NUDT3: variants seen among roughly 807,000 people sequenced by gnomAD.
NUDT3 encodes the protein diphosphoinositol polyphosphate phosphohydrolase 1.
NUDT3 carries 9 observed loss-of-function variants against 23.6 expected under a neutral mutation model. The observed-to-expected ratio is 0.38, with a 90% CI of 0.23 to 0.66. The LOEUF is 0.66. Ranked by LOEUF, NUDT3 falls within the 30% of genes least tolerant of loss-of-function variation. NUDT3 has a pLI of 0.52. For missense variants in NUDT3, 172 were observed against 218.5 expected (o/e 0.79, Z 1.34); for synonymous variants, 86 against 82.6 (o/e 1.04, Z -0.22).
At chr6:34,321,097 T>C (rs144771507) in intron 2 of NUDT3, among the ~76,000 whole-genome samples, 1 of 152,188 alleles carries the variant, frequency 6.6e-6, no homozygotes, top group African/African-American at 2.4e-5. Context: ...TTAGAATGAC[T>C]GGCACATAGG....
chr6:34,351,982 C>G (rs1764486319), intron 1 of NUDT3, among the ~76,000 whole-genome samples: 2 of 151,560 alleles, frequency 1.3e-5, no homozygotes, highest in Admixed American at 6.6e-5. Context: ...ACTGTGGGAG[C>G]CCAGGAGTTC....
intron 1 of NUDT3, among the ~76,000 whole-genome samples, chr6:34,381,063 C>T (rs1377678747): frequency 6.6e-6 from 1 of 152,158 alleles, no homozygotes; most frequent in East Asian, 1.9e-4. Context: ...GTCACCCAGG[C>T]TGAAGTGCAG....
At chr6:34,326,270 C>T (rs954182752) in intron 2 of NUDT3, among the ~76,000 whole-genome samples, 3 of 152,210 alleles carry the variant, frequency 2.0e-5, no homozygotes, top group Non-Finnish European at 4.4e-5. Context: ...CATCTAGCTA[C>T]ACTTTCTAAT....
chr6:34,359,328 G>A (rs921720846), intron 1 of NUDT3, among the ~76,000 whole-genome samples: 8 of 152,150 alleles, frequency 5.3e-5, no homozygotes, highest in Non-Finnish European at 1.2e-4. Context: ...AGCCGAGATC[G>A]TGCTACTGCA....
At chr6:34,361,918 G>T (rs1452251449) in intron 1 of NUDT3, among the ~76,000 whole-genome samples, 1 of 152,184 alleles carries the variant, frequency 6.6e-6, no homozygotes, top group Non-Finnish European at 1.5e-5. Context: ...AAACTACTCT[G>T]TCTGGTGCAT....
intron 1 of NUDT3, among the ~76,000 whole-genome samples, chr6:34,343,251 T>G (rs914450210): frequency 6.6e-6 from 1 of 151,978 alleles, no homozygotes; most frequent in Non-Finnish European, 1.5e-5. Context: ...ATATACTCAG[T>G]TAAAAGATAC....
chr6:34,307,018 AGAG>A (rs1763691484), intron 2 of NUDT3, among the ~76,000 whole-genome samples: 1 of 152,230 alleles, frequency 6.6e-6, no homozygotes, highest in Non-Finnish European at 1.5e-5. Flanking sequence ...CAATTTGTGA[AGAG>A]GAGTCTATTA....
chr6:34,305,285 G>C (rs2113704945), intron 2 of NUDT3, among the ~76,000 whole-genome samples: 1 of 152,122 alleles, frequency 6.6e-6, no homozygotes, highest in East Asian at 1.9e-4. Flanking sequence ...CGCCCAGCCT[G>C]AATTATTTTA....
At chr6:34,364,464 G>A (rs1375715466) in intron 1 of NUDT3, among the ~76,000 whole-genome samples, 1 of 152,042 alleles carries the variant, frequency 6.6e-6, no homozygotes, top group Non-Finnish European at 1.5e-5. Context: ...AAGTGCTACT[G>A]ACAGTTTCTA....
intron 1 of NUDT3, among the ~76,000 whole-genome samples, chr6:34,355,300 T>A (rs1340610327): frequency 6.6e-6 from 1 of 152,198 alleles, no homozygotes; most frequent in Non-Finnish European, 1.5e-5. Context: ...TGGTTCTTTT[T>A]TTTAGTCTGT....
chr6:34,349,857 G>A (rs1423144073), intron 1 of NUDT3, among the ~76,000 whole-genome samples: 1 of 150,620 alleles, frequency 6.6e-6, no homozygotes, highest in Non-Finnish European at 1.5e-5. Context: ...TTGGGAGGCT[G>A]AGGCGGGCGG....
At position 34,392,451 on chromosome 6, in the gene NUDT3, C is replaced by G; in HGVS notation, c.-89G>C. 1 of 947,542 alleles carries G rather than the reference C, an allele frequency of 1.1e-6. No homozygotes were observed. The highest frequency in any genetic ancestry group is 1.6e-6 in the Non-Finnish European group (1 of 631,738). 58.7% of individuals were successfully genotyped at this position (947,542 alleles called of 1,614,324 possible). Reference sequence around the variant, plus strand: ...GGACGGCCGCGTGCGCGCGCGCCCCCGGCTCGGCCAAGGGAAGCAGGGAGG... The same window carrying G: ...GGACGGCCGCGTGCGCGCGCGCCCCGGGCTCGGCCAAGGGAAGCAGGGAGG... On this transcript the variant is annotated 5_prime_UTR_variant, in exon 1 of 5. Transcript: ENST00000607016.
rs1356160682 is a variant in NUDT3, at chr6:34,285,543, T to C, written c.*3210A>G. 2 of 152,198 alleles carry C rather than the reference T, an allele frequency of 1.3e-5. No homozygotes were observed. The highest frequency in any genetic ancestry group is 1.9e-4 in the East Asian group (1 of 5,196). The allele number at this position is 152,198 out of a possible 1,614,324, so 9.4% of individuals were successfully genotyped here. A position where few individuals can be genotyped will look rare whatever the true frequency, so the allele number is the denominator to read the frequency against. ...AGAGGCTAGGGATCTGCCCTAAACATAGGAACCTGTTTCTATCAAGCCTGA... is the reference window on the plus strand; with the variant it reads ...AGAGGCTAGGGATCTGCCCTAAACACAGGAACCTGTTTCTATCAAGCCTGA... On this transcript the variant is annotated 3_prime_UTR_variant, in exon 5 of 5. Transcript: ENST00000607016.
chr6:34,371,732 CA>C (rs1031824560), intron 1 of NUDT3, among the ~76,000 whole-genome samples: 2 of 152,120 alleles, frequency 1.3e-5, no homozygotes, highest in Non-Finnish European at 1.5e-5. Flanking sequence ...GGCTAAGTGT[CA>C]TTTTTTTATT....
chr6:34,332,691 A>G (rs1248674521), intron 2 of NUDT3, among the ~76,000 whole-genome samples: 1 of 152,218 alleles, frequency 6.6e-6, no homozygotes, highest in African/African-American at 2.4e-5. Flanking sequence ...CTGCCACTTT[A>G]TATAAGGCGC....
intron 1 of NUDT3, among the ~76,000 whole-genome samples, chr6:34,387,929 C>T (rs1488148192): frequency 1.3e-5 from 2 of 152,088 alleles, no homozygotes; most frequent in African/African-American, 4.8e-5. Context: ...CCTAGGCCTT[C>T]GCATTTACTC....
intron 1 of NUDT3, among the ~76,000 whole-genome samples, chr6:34,380,208 C>T (rs1358423508): frequency 2.6e-5 from 4 of 152,012 alleles, no homozygotes; most frequent in East Asian, 1.9e-4. Context: ...CCTGCCACCA[C>T]GCCCGGCTAA....
At chr6:34,319,203 G>A (rs1487494375) in intron 2 of NUDT3, among the ~76,000 whole-genome samples, 1 of 152,142 alleles carries the variant, frequency 6.6e-6, no homozygotes, top group Non-Finnish European at 1.5e-5. Context: ...GATCAGTTCT[G>A]CAGTGGATGC....
At chr6:34,332,937 G>A (rs1006200390) in intron 2 of NUDT3, among the ~76,000 whole-genome samples, 13 of 152,314 alleles carry the variant, frequency 8.5e-5, no homozygotes, top group African/African-American at 3.1e-4. Flanking sequence ...TGTCAGACAA[G>A]AGTTTTACCT....
Sources: allele counts gnomAD v4.1 joint callset (sites outside exome capture counted in the v4.1 genomes callset), GRCh38; gene constraint gnomAD v4.1.1; transcripts MANE v1.5; gene names NCBI Gene and HGNC (gene_info 2026-07-23, HGNC 2026-07-21).